TUT4: variants seen among roughly 807,000 people sequenced by gnomAD.
TUT4 encodes terminal uridylyl transferase 4.
In TUT4, 36 loss-of-function variants were observed where a neutral mutation model predicts 192.2. The ratio of observed to expected loss-of-function variants is 0.19; its 90% CI spans 0.14 to 0.25. TUT4 has a LOEUF of 0.25. Ranked by LOEUF, TUT4 falls within the 10% of genes least tolerant of loss-of-function variation. TUT4 has a pLI of 1.00. For missense variants in TUT4, 1,493 were observed against 1,957.2 expected, an observed-to-expected ratio of 0.76 and a Z score of 4.47; for synonymous variants, 618 against 666.0, an observed-to-expected ratio of 0.93 and a Z score of 1.11.
Position 52,436,936 on chromosome 1 carries a change from C to A in TUT4, c.3981G>T (p.Glu1327Asp). The part of the protein sequence containing the change: ...FRLKKKDSEE[E>D]KEGNEEEKDS... ...CTTTCTCTTCTTCATTCCCTTCCTT[C>A]TCTTCTTCACTGTCTTTCTTCTTTA... The change falls in exon 26 of 30, where the codon GAG (glutamate) becomes GAT (aspartate). Residue 1327 changes from glutamate to aspartate, a missense_variant. Physicochemically the swap from Glu to Asp is conservative, Grantham distance 45 (BLOSUM62 2). This residue lies in a region of TUT4 where 141 missense variants were observed against 382.7 expected (regional missense o/e 0.37). Coordinates refer to ENST00000257177, the MANE Select transcript of TUT4 (RefSeq NM_001009881.3). 1 of 1,614,014 alleles carries A rather than the reference C, an allele frequency of 6.2e-7. No homozygotes were observed. Among genetic ancestry groups the A allele is most frequent in the South Asian group, 1.1e-5 (1 of 91,078 alleles).
At chr1:52,482,607 G>C (rs1668771151) in intron 9 of TUT4, among the ~76,000 whole-genome samples, 1 of 151,860 alleles carries the variant, frequency 6.6e-6, no homozygotes, top group South Asian at 2.1e-4. Flanking sequence ...TTTTTATTTT[G>C]TAGACTATTT....
intron 4 of TUT4, among the ~76,000 whole-genome samples, chr1:52,505,965 T>C (rs1267375977): frequency 6.6e-6 from 1 of 151,892 alleles, no homozygotes; most frequent in Non-Finnish European, 1.5e-5. Context: ...ATTTCAGGCA[T>C]GAGCCACGAT....
chr1:52,463,600 CA>C (rs1663229022), intron 16 of TUT4: 2 of 1,283,016 alleles, frequency 1.6e-6, no homozygotes, highest in Admixed American at 4.8e-5. Flanking sequence ...CCCAATCTTG[CA>C]AACAGTCCCG....
rs376278133 is a variant in TUT4, at chr1:52,526,027, T to C, written c.254A>G (p.Asp85Gly). 1.2e-6 allele frequency: 2 copies of C among 1,613,566 alleles called. No individual in the cohort carries two copies. Among genetic ancestry groups the C allele is most frequent in the Non-Finnish European group, 1.7e-6 (2 of 1,179,844 alleles). Residue 85 changes from aspartate to glycine, a missense_variant, in exon 2 of 30, where the codon GAT (aspartate) becomes GGT (glycine). Transcript: ENST00000257177. ...TTGATCTCGAAGGACTAACCCCAAA[T>C]CTTTAGGACCTGGAAGGTTGGCAGC... ...VNAANLPGPKDLGLVLRDQSH... is the reference protein window; with the variant it reads ...VNAANLPGPKGLGLVLRDQSH...
chr1:52,504,032 T>C (rs1295254746), intron 4 of TUT4, among the ~76,000 whole-genome samples: 1 of 152,224 alleles, frequency 6.6e-6, no homozygotes, highest in Non-Finnish European at 1.5e-5. Context: ...ACTTGAAATG[T>C]TCTGTAAGTG....
chr1:52,525,201 TAAG>T (rs1411859932), intron 2 of TUT4, among the ~76,000 whole-genome samples: 1 of 152,170 alleles, frequency 6.6e-6, no homozygotes, highest in Non-Finnish European at 1.5e-5. Flanking sequence ...GATATATATA[TAAG>T]AAGAACTCAA....
At chr1:52,465,576 C>T (rs1377954819) in intron 15 of TUT4, among the ~76,000 whole-genome samples, 1 of 152,204 alleles carries the variant, frequency 6.6e-6, no homozygotes, top group Non-Finnish European at 1.5e-5. Flanking sequence ...AGACTTTTAG[C>T]TTTTTCCGAC....
chr1:52,491,764 C>CCTT (rs141498735), intron 7 of TUT4, among the ~76,000 whole-genome samples: 1 of 152,012 alleles, frequency 6.6e-6, no homozygotes, highest in Admixed American at 6.6e-5. Context: ...GAAAATTTCT[C>CCTT]AATAGTACTT....
At chr1:52,478,535 T>C (rs987267224) in intron 11 of TUT4, among the ~76,000 whole-genome samples, 4 of 152,200 alleles carry the variant, frequency 2.6e-5, no homozygotes, top group African/African-American at 9.7e-5. Context: ...GTGGATACTA[T>C]AGGTCAAGGA....
chr1:52,510,059 C>T (rs1676685223), intron 3 of TUT4, among the ~76,000 whole-genome samples: 1 of 152,040 alleles, frequency 6.6e-6, no homozygotes, highest in Non-Finnish European at 1.5e-5. Flanking sequence ...TGCCTGTAAT[C>T]CCAGCACTTT....
chr1:52,424,272 A>G (rs901825085), intron 29 of TUT4: 14 of 432,372 alleles, frequency 3.2e-5, no homozygotes, highest in African/African-American at 1.8e-4. Context: ...CTCCCCTCCT[A>G]AAAGGGCTTA....
chr1:52,487,215 G>C (rs982078563), intron 9 of TUT4, among the ~76,000 whole-genome samples: 1 of 152,102 alleles, frequency 6.6e-6, no homozygotes, highest in Non-Finnish European at 1.5e-5. Flanking sequence ...GGAGGCTAGG[G>C]TGGGAGGATC....
intron 4 of TUT4, among the ~76,000 whole-genome samples, chr1:52,498,905 TATATATATA>T (rs1557858966): frequency 0.042 from 84 of 2,014 alleles, 4 homozygotes; most frequent in Admixed American, 0.069. Context: ...AAAAAAATTA[TATATATATA>T]TATATATATA....
chr1:52,463,740 C>T (rs1557729754), intron 16 of TUT4: 1 of 1,304,202 alleles, frequency 7.7e-7, no homozygotes, highest in East Asian at 5.5e-5. Context: ...TCTTTTTCTT[C>T]CCTGGAGCTT....
intron 29 of TUT4, 183 bp from the exon 30 acceptor site, chr1:52,424,185 G>A (rs919867072): frequency 3.3e-6 from 2 of 599,348 alleles, no homozygotes; most frequent in Non-Finnish European, 5.8e-6. Flanking sequence ...ATACCTGTAT[G>A]TGAAAAAAGG....
At chr1:52,541,919 C>T (rs1326111749) in intron 1 of TUT4, among the ~76,000 whole-genome samples, 2 of 152,064 alleles carry the variant, frequency 1.3e-5, no homozygotes, top group Non-Finnish European at 2.9e-5. Context: ...GCATTATTCA[C>T]GATAGCCAAA....
chr1:52,490,789 T>A lies in TUT4; in HGVS notation c.1331A>T (p.Asp444Val). ...GILKKNVLYV[D>V]VESDFHAKVP... is the part of the protein sequence containing the mutation. Reference sequence around the variant, plus strand: ...TTTAGCGTGAAAATCAGATTCCACATCTACATATAATACTAATAAGGAAAA... The same window carrying A: ...TTTAGCGTGAAAATCAGATTCCACAACTACATATAATACTAATAAGGAAAA... The change falls in exon 8 of 30, where the codon GAT (aspartate) becomes GTT (valine). Residue 444 changes from aspartate to valine, a missense_variant. Physicochemically the swap from Asp to Val is radical, Grantham distance 152 (BLOSUM62 -3). Coordinates refer to ENST00000257177, the MANE Select transcript of TUT4 (RefSeq NM_001009881.3). 6.2e-7 allele frequency: 1 copy of A among 1,611,920 alleles called. No homozygotes were observed. The highest frequency in any genetic ancestry group is 1.1e-5 in the South Asian group (1 of 90,656).
chr1:52,463,917 AT>A, intron 16 of TUT4: 1 of 547,172 alleles, frequency 1.8e-6, no homozygotes, highest in Non-Finnish European at 2.9e-6. Context: ...CTACAGTACT[AT>A]TAGTACTATA....
intron 2 of TUT4, among the ~76,000 whole-genome samples, 169 bp downstream of exon 2, chr1:52,525,394 A>G (rs922416791): frequency 6.6e-6 from 1 of 152,118 alleles, no homozygotes; most frequent in African/African-American, 2.4e-5. Context: ...CCAAGGATCA[A>G]TCTAGTAAGA....
Sources: allele counts gnomAD v4.1 joint callset (sites outside exome capture counted in the v4.1 genomes callset), GRCh38; gene constraint gnomAD v4.1.1; regional missense constraint gnomAD v4.1.1; transcripts MANE v1.5; gene names NCBI Gene and HGNC (gene_info 2026-07-23, HGNC 2026-07-21).